Variants in IGF2BP3 observed in about 807,000 individuals in gnomAD.
IGF2BP3 encodes the protein insulin-like growth factor 2 mRNA-binding protein 3.
A neutral mutation model predicts 73.8 loss-of-function variants in IGF2BP3; 9 were observed. The observed-to-expected ratio is 0.12, with a 90% CI of 0.07 to 0.21. The LOEUF (loss-of-function observed/expected upper bound fraction) is 0.21, where lower values mean the gene tolerates loss of function less well. Ranked by LOEUF, IGF2BP3 falls within the 10% of genes least tolerant of loss-of-function variation. The pLI, the probability that IGF2BP3 is intolerant of heterozygous loss-of-function variation, is 1.00. For missense variants in IGF2BP3, 542 were observed against 714.0 expected, an observed-to-expected ratio of 0.76 and a Z score of 2.75; for synonymous variants, 258 against 256.7, an observed-to-expected ratio of 1.01 and a Z score of -0.05.
At chr7:23,366,857 A>T (rs1342704123) in intron 3 of IGF2BP3, among the ~76,000 whole-genome samples, 1 of 152,186 alleles carries the variant, frequency 6.6e-6, no homozygotes, top group Non-Finnish European at 1.5e-5. Flanking sequence ...TAATCCCATC[A>T]ATCTTAAGGC....
At chr7:23,315,961 T>A (rs1182946358) in intron 12 of IGF2BP3, among the ~76,000 whole-genome samples, 1 of 152,198 alleles carries the variant, frequency 6.6e-6, no homozygotes, top group African/African-American at 2.4e-5. Flanking sequence ...CATACAAACA[T>A]CATAGGAGTT....
intron 3 of IGF2BP3, among the ~76,000 whole-genome samples, chr7:23,376,580 T>A (rs547535882): frequency 4.0e-5 from 6 of 149,368 alleles, no homozygotes; most frequent in Middle Eastern, 3.2e-3. Context: ...AGAAAAAGCC[T>A]TGAGGCTGGG....
intron 9 of IGF2BP3, among the ~76,000 whole-genome samples, chr7:23,343,257 A>G (rs117526646): frequency 1.4e-4 from 21 of 152,344 alleles, no homozygotes; most frequent in Non-Finnish European, 2.8e-4. Context: ...TGTAATCCTA[A>G]TAAGAATGCA....
In IGF2BP3 at chr7:23,464,028, C is replaced by A. The variant is rs544260915; in HGVS notation, c.236+4454G>T. On this transcript the variant is annotated intron_variant, in intron 2 of 14. Coordinates refer to ENST00000258729, the MANE Select transcript of IGF2BP3 (RefSeq NM_006547.3). ...TCGCAAGATTCACCTAAGCCATACA[C>A]TGATAAGGAAGGAGTACCACTGCTA... is the stretch of plus-strand genomic sequence containing the variant. 6.6e-5 allele frequency among the ~76,000 whole-genome samples: 10 copies of A among 152,328 alleles called. 1 individual carries two copies. In the South Asian group the frequency reaches 2.1e-3, roughly 32 times the overall value.
At chr7:23,380,157 C>CTT (rs10571084) in intron 3 of IGF2BP3, among the ~76,000 whole-genome samples, 599 of 71,738 alleles carry the variant, frequency 8.3e-3, no homozygotes, top group Non-Finnish European at 0.013. Flanking sequence ...CACTATGCCT[C>CTT]TTTTTTTTTT....
rs1250524428 is a variant in IGF2BP3, at chr7:23,378,977, G to A, written c.286-17236C>T. Among the ~76,000 whole-genome samples the A allele has an allele frequency of 2.0e-5, 3 of 152,122 alleles. No individual in the cohort carries two copies. In the East Asian group the frequency reaches 5.8e-4, roughly 29 times the overall value. ...TTGGAGACCAAGCAGAGGAAAAAAA[G>A]ATGCTTACCACACCAACTCATTGTG... On this transcript the variant is annotated intron_variant, in intron 3 of 14. Transcript: ENST00000258729.
rs74502158 is a variant in IGF2BP3, at chr7:23,415,230, G to A, written c.285+3546C>T. The A allele has an allele frequency of 2.9e-3, 657 of 223,574 alleles. 4 individuals carry two copies. Among genetic ancestry groups the A allele is most frequent in the Non-Finnish European group, 3.6e-3 (404 of 112,418 alleles). The allele number at this position is 223,574 out of a possible 1,614,324, so 13.8% of individuals were successfully genotyped here. ...GTCCCGTCCGTCAGTCGGCATCAAC[G>A]CATCACCAGGTCCCTACCCATCAGT... On this transcript the variant is annotated intron_variant, in intron 3 of 14. Coordinates refer to ENST00000258729, the MANE Select transcript of IGF2BP3 (RefSeq NM_006547.3).
intron 3 of IGF2BP3, among the ~76,000 whole-genome samples, chr7:23,399,221 G>C (rs1048786614): frequency 2.6e-4 from 39 of 152,074 alleles, no homozygotes; most frequent in African/African-American, 9.4e-4. Flanking sequence ...GATGGTTGTA[G>C]ATATGTGGCA....
intron 3 of IGF2BP3, among the ~76,000 whole-genome samples, chr7:23,391,972 G>A (rs760029383): frequency 6.6e-5 from 10 of 152,110 alleles, no homozygotes; most frequent in Non-Finnish European, 1.5e-4. Flanking sequence ...ACTGAAAATC[G>A]AACAACCCAG....
intron 3 of IGF2BP3, among the ~76,000 whole-genome samples, chr7:23,380,495 G>A (rs190877604): frequency 5.7e-4 from 86 of 152,180 alleles, no homozygotes; most frequent in African/African-American, 2.0e-3. Flanking sequence ...CCGATGAGTG[G>A]CATCCATGCA....
At chr7:23,402,082 G>C (rs963663751) in intron 3 of IGF2BP3, among the ~76,000 whole-genome samples, 2 of 151,628 alleles carry the variant, frequency 1.3e-5, no homozygotes, top group African/African-American at 4.8e-5. Context: ...GCACCACTGC[G>C]CTCCAGCCTG....
chr7:23,402,721 A>G (rs754582474), intron 3 of IGF2BP3: 1 of 152,240 alleles, frequency 6.6e-6, no homozygotes, highest in Non-Finnish European at 1.5e-5. Flanking sequence ...TAATAATAAA[A>G]ATCAGCTTGT....
intron 10 of IGF2BP3, among the ~76,000 whole-genome samples, chr7:23,327,573 A>G (rs586508): frequency 0.12 from 17,644 of 152,042 alleles, 2,375 homozygotes; most frequent in African/African-American, 0.33. Flanking sequence ...GAGCCACCGC[A>G]CCCGTCCTGA....
chr7:23,353,226 C>G (rs1379130010), intron 5 of IGF2BP3, among the ~76,000 whole-genome samples: 1 of 152,102 alleles, frequency 6.6e-6, no homozygotes, highest in African/African-American at 2.4e-5. Context: ...GTGGTCATTT[C>G]CGGCTTATAC....
At chr7:23,327,488 AGCCAG>A (rs1202554115) in intron 10 of IGF2BP3, among the ~76,000 whole-genome samples, 2 of 151,892 alleles carry the variant, frequency 1.3e-5, no homozygotes, top group Non-Finnish European at 2.9e-5. Flanking sequence ...TCACCGTGTT[AGCCAG>A]GATGGTCTCG....
At chr7:23,337,923 A>G (rs1784613637) in intron 10 of IGF2BP3, among the ~76,000 whole-genome samples, 1 of 152,238 alleles carries the variant, frequency 6.6e-6, no homozygotes, top group African/African-American at 2.4e-5. Context: ...CACAAGGCAG[A>G]TAGAAGCACC....
chr7:23,353,798 C>T (rs918267368), intron 5 of IGF2BP3, among the ~76,000 whole-genome samples: 7 of 152,130 alleles, frequency 4.6e-5, no homozygotes, highest in Non-Finnish European at 1.5e-5. Context: ...GATGACAGAA[C>T]GTTAAGTTAA....
chr7:23,428,069 AG>A (rs1787562835), intron 2 of IGF2BP3, among the ~76,000 whole-genome samples: 1 of 152,058 alleles, frequency 6.6e-6, no homozygotes, highest in African/African-American at 2.4e-5. Flanking sequence ...CCAGCTACTT[AG>A]GAGGCTGAAG....
chr7:23,466,889 G>A (rs1334296881), intron 2 of IGF2BP3, among the ~76,000 whole-genome samples: 1 of 152,138 alleles, frequency 6.6e-6, no homozygotes, highest in African/African-American at 2.4e-5. Context: ...CAGTCCTTGA[G>A]GCACAACCAT....
Sources: gnomAD v4.1 joint callset for allele counts (sites outside exome capture counted in the v4.1 genomes callset) on GRCh38, gnomAD v4.1.1 for gene constraint, MANE v1.5 for transcripts, NCBI Gene and HGNC (gene_info 2026-07-23, HGNC 2026-07-21) for gene names.